KIF21B: variants seen among roughly 807,000 people sequenced by gnomAD.
KIF21B encodes the protein kinesin-like protein KIF21B.
Under a neutral mutation model 192.9 loss-of-function variants are expected in KIF21B, and 85 were observed. That is an observed-to-expected ratio of 0.44 (90% CI 0.37 to 0.53). KIF21B has a LOEUF of 0.53. Among genes scored for constraint, KIF21B ranks in the 20% least tolerant of loss-of-function variants. KIF21B has a pLI of 0.00. For synonymous variants in KIF21B, 832 were observed against 884.6 expected, an observed-to-expected ratio of 0.94 and a Z score of 1.05; for missense variants, 1,716 against 2,194.8, an observed-to-expected ratio of 0.78 and a Z score of 4.36.
At chr1:200,979,845 G>A (rs1655805012) in intron 29 of KIF21B, 130 bp from the exon 30 acceptor site, 2 of 649,476 alleles carry the variant, frequency 3.1e-6, no homozygotes, top group African/African-American at 3.7e-5. Context: ...CGGAGCTCCA[G>A]GTCTGAAGAG....
chr1:200,989,291 C>T (rs1374252036), intron 21 of KIF21B, among the ~76,000 whole-genome samples: 1 of 152,162 alleles, frequency 6.6e-6, no homozygotes, highest in East Asian at 1.9e-4. Context: ...GTTATGGCAG[C>T]CCTAGCAAAC....
At chr1:200,979,176 C>T (rs962448104) in intron 30 of KIF21B, among the ~76,000 whole-genome samples, 12 of 152,144 alleles carry the variant, frequency 7.9e-5, no homozygotes, top group African/African-American at 2.2e-4. Context: ...ACTGGGTGGT[C>T]GCCTACACAG....
intron 34 of KIF21B, 164 bp from the exon 35 acceptor site, chr1:200,973,742 G>A (rs1259495940): frequency 6.8e-7 from 1 of 1,472,662 alleles, no homozygotes. Context: ...AGGTGGTGGG[G>A]TGCTGGGCAG....
At chr1:201,014,996 CATTT>C (rs1181604671) in intron 1 of KIF21B, among the ~76,000 whole-genome samples, 1 of 152,186 alleles carries the variant, frequency 6.6e-6, no homozygotes, top group East Asian at 1.9e-4. Flanking sequence ...ACCACCAACA[CATTT>C]ATAGAGCCAA....
chr1:201,002,394 C>T (rs1225055525), intron 8 of KIF21B, 44 bp from the exon 9 acceptor site: 14 of 1,576,160 alleles, frequency 8.9e-6, no homozygotes, highest in Admixed American at 1.7e-5. Flanking sequence ...GCAGAGCTCG[C>T]GGTTGGGGGG....
chr1:200,987,646 C>G (rs897859771), intron 24 of KIF21B, among the ~76,000 whole-genome samples: 1 of 152,236 alleles, frequency 6.6e-6, no homozygotes, highest in Non-Finnish European at 1.5e-5. Context: ...CAGCTAAACT[C>G]TTATGGTTTC....
chr1:200,990,738 C>A lies in KIF21B; in HGVS notation c.2688-15G>T. 6.2e-7 allele frequency: 1 copy of A among 1,613,820 alleles called. No individual in the cohort carries two copies. The highest frequency in any genetic ancestry group is 8.5e-7 in the Non-Finnish European group (1 of 1,179,862). On this transcript the variant is annotated splice_polypyrimidine_tract_variant and intron_variant, in intron 18 of 34. Transcript: ENST00000461742. The surrounding 1 kb of genome is among the most constrained non-coding windows in gnomAD (Gnocchi z 5.4). ...GGAACTTCTTTCTGGGAGACATAGG[C>A]AAAGGGGATTGGATGGGACTCCTTT...
At chr1:201,015,351 C>T (rs576253233) in intron 1 of KIF21B, among the ~76,000 whole-genome samples, 1 of 152,312 alleles carries the variant, frequency 6.6e-6, no homozygotes, top group Non-Finnish European at 1.5e-5. Flanking sequence ...GGACTAGAAT[C>T]GCCTTTCAGA....
At chr1:201,015,399 G>A (rs1658445146) in intron 1 of KIF21B, among the ~76,000 whole-genome samples, 1 of 152,222 alleles carries the variant, frequency 6.6e-6, no homozygotes, top group Non-Finnish European at 1.5e-5. Flanking sequence ...AAGCCCCAGG[G>A]GGGCTAAAAG....
At position 201,013,479 on chromosome 1, in the gene KIF21B, C is replaced by T. The variant is rs779970784; in HGVS notation, c.42-3991G>A. 2.0e-5 allele frequency among the ~76,000 whole-genome samples: 3 copies of T among 152,276 alleles called. No individual in the cohort carries two copies. In the South Asian group the frequency reaches 6.2e-4, roughly 32 times the overall value. ...GGCACCATCTAACAGTCCTTTTCCT[C>T]CCTGGGGGCATGGGAGGGGGGTCAA... On this transcript the variant is annotated intron_variant, in intron 1 of 34. Coordinates refer to ENST00000461742, the MANE Select transcript of KIF21B (RefSeq NM_001252102.2).
rs1658997402 is a variant in KIF21B, at chr1:201,023,527, T to TCGCGGGCGGCAGGCCGAGGGGCTCACC, written c.-171_-145dup. The TCGCGGGCGGCAGGCCGAGGGGCTCACC allele has an allele frequency of 2.8e-6, 1 of 358,334 alleles. No individual in the cohort carries two copies. The highest frequency in any genetic ancestry group is 2.2e-5 in the African/African-American group (1 of 45,262). 22.2% of individuals were successfully genotyped at this position (358,334 alleles called of 1,614,324 possible). ...GCGGCGGCGGCTGGAGGTGACATGC[T>TCGCGGGCGGCAGGCCGAGGGGCTCACC]CGCGGGCGGCAGGCCGAGGGGCTCA... On this transcript the variant is annotated 5_prime_UTR_variant, in exon 1 of 35. Coordinates refer to ENST00000461742, the MANE Select transcript of KIF21B (RefSeq NM_001252102.2). This position sits in a 1 kb window ranked among gnomAD's most constrained non-coding sequence, Gnocchi z 5.9.
chr1:200,985,079 G>A, intron 26 of KIF21B, 107 bp from the exon 27 acceptor site: 1 of 664,852 alleles, frequency 1.5e-6, no homozygotes. Context: ...GCAGGACAGG[G>A]TCTGCTGTGC....
intron 1 of KIF21B, among the ~76,000 whole-genome samples, chr1:201,013,639 T>C (rs1658351825): frequency 6.6e-6 from 1 of 152,174 alleles, no homozygotes; most frequent in Non-Finnish European, 1.5e-5. Context: ...ATTACAGGCA[T>C]GAGCCACTGC....
rs760706406 is a variant in KIF21B at position 201,004,782 on chromosome 1, G to T, written c.884C>A (p.Ser295Tyr). 1 of 1,613,988 alleles carries T rather than the reference G, an allele frequency of 6.2e-7. No individual in the cohort carries two copies. Among genetic ancestry groups the T allele is most frequent in the Non-Finnish European group, 8.5e-7 (1 of 1,180,048 alleles). Residue 295 changes from serine to tyrosine, a missense_variant, in exon 6 of 35, where the codon TCC becomes TAC. Transcript: ENST00000461742. Reference sequence around the variant, plus strand: ...TGTGCCTACCAGGCCACAGTTGATGGAGATGCCCTCCTTGGCCCGCTCGCC... The same window carrying T: ...TGTGCCTACCAGGCCACAGTTGATGTAGATGCCCTCCTTGGCCCGCTCGCC... The part of the protein sequence containing the change: ...ATGERAKEGI[S>Y]INCGLLALGN...
intron 3 of KIF21B, among the ~76,000 whole-genome samples, chr1:201,008,209 C>T (rs572262714): frequency 5.9e-5 from 9 of 152,216 alleles, no homozygotes; most frequent in Non-Finnish European, 1.0e-4. Context: ...CCCTCCCTGG[C>T]TGCCACAGTC....
chr1:201,000,731 C>G lies in KIF21B; in HGVS notation c.1452G>C (p.Glu484Asp). 2 of 1,614,256 alleles carry G rather than the reference C, an allele frequency of 1.2e-6. No individual in the cohort carries two copies. The highest frequency in any genetic ancestry group is 1.7e-6 in the Non-Finnish European group (2 of 1,180,036). ...IGALIQNYIR[E>D]IEELRTKLLE... ...CACTCACTCACCGTAGCTCCTCGATCTCCCGGATGTAGTTCTGGATCAGCG... is the reference window on the plus strand; with the variant it reads ...CACTCACTCACCGTAGCTCCTCGATGTCCCGGATGTAGTTCTGGATCAGCG... Residue 484 changes from glutamate to aspartate, a missense_variant, in exon 10 of 35, where the codon GAG becomes GAC. Glu to Asp is a conservative substitution (Grantham distance 45, BLOSUM62 2). This residue lies in a region of KIF21B where 1,087 missense variants were observed against 1,316.6 expected (regional missense o/e 0.83). Transcript: ENST00000461742. The surrounding 1 kb of genome is among the most constrained non-coding windows in gnomAD (Gnocchi z 6.0).
chr1:201,022,927 G>GCA (rs1438819403), intron 1 of KIF21B, among the ~76,000 whole-genome samples: 2 of 152,218 alleles, frequency 1.3e-5, no homozygotes, highest in African/African-American at 4.8e-5. Context: ...TGGACCAAGA[G>GCA]CACATAACTA....
chr1:201,007,511 T>C (rs1455577977), intron 3 of KIF21B, among the ~76,000 whole-genome samples: 649 of 48,146 alleles, frequency 0.013, no homozygotes, highest in Middle Eastern at 0.026. Context: ...GACACAGACA[T>C]ACACACACAG....
chr1:200,999,838 C>T lies in KIF21B; in HGVS notation c.1767+45G>A, dbSNP rs1657352312. ...GGGCCCCCGCCAACCCCAGCAGGGACACAAGGCATGCATGTGGTGAGGTGG... is the reference window on the plus strand; with the variant it reads ...GGGCCCCCGCCAACCCCAGCAGGGATACAAGGCATGCATGTGGTGAGGTGG... On this transcript the variant is annotated intron_variant, in intron 12 of 34. Coordinates refer to ENST00000461742, the MANE Select transcript of KIF21B (RefSeq NM_001252102.2). This position sits in a 1 kb window ranked among gnomAD's most constrained non-coding sequence, Gnocchi z 4.7. The T allele has an allele frequency of 1.2e-6, 2 of 1,603,346 alleles. No homozygotes were observed. The highest frequency in any genetic ancestry group is 1.1e-5 in the South Asian group (1 of 90,962).
Sources: gnomAD v4.1 joint callset for allele counts (sites outside exome capture counted in the v4.1 genomes callset) on GRCh38, gnomAD v4.1.1 for gene constraint, gnomAD v4.1.1 regional missense constraint, Gnocchi (gnomAD v3.1) non-coding constraint, MANE v1.5 for transcripts, NCBI Gene and HGNC (gene_info 2026-07-23, HGNC 2026-07-21) for gene names.